Variants in SEC24A observed in about 807,000 individuals in gnomAD.
SEC24A encodes the protein SEC24 homolog A, COPII component.
SEC24A carries 93 observed loss-of-function variants against 129.4 expected under a neutral mutation model. The observed-to-expected ratio is 0.72, with a 90% confidence interval of 0.61 to 0.85. The LOEUF (loss-of-function observed/expected upper bound fraction) is 0.85, where lower values mean the gene tolerates loss of function less well. Ranked by LOEUF, SEC24A falls within the 40% of genes least tolerant of loss-of-function variation. SEC24A has a pLI of 0.00. For missense variants in SEC24A, 1,264 were observed against 1,307.4 expected (o/e 0.97, Z 0.51); for synonymous variants, 460 against 467.3 (o/e 0.98, Z 0.20).
intron 4 of SEC24A, 29 bp downstream of exon 4, chr5:134,671,915 ATC>A (rs766193846): frequency 7.3e-7 from 1 of 1,363,380 alleles, no homozygotes; most frequent in African/African-American, 1.5e-5. Context: ...TTTTTTTTTA[ATC>A]TCTTTTTTCT....
rs557302741 is a variant in SEC24A at position 134,708,954 on chromosome 5, C to T, written c.2727+66C>T. 1.6e-4 allele frequency: 243 copies of T among 1,491,928 alleles called. 1 individual carries two copies. In the African/African-American group the frequency reaches 3.1e-3, roughly 19 times the overall value. The allele number at this position is 1,491,928 out of a possible 1,614,324, so 92.4% of individuals were successfully genotyped here. On this transcript the variant is annotated intron_variant, in intron 18 of 22. Coordinates refer to ENST00000398844, the MANE Select transcript of SEC24A (RefSeq NM_021982.3). ...GGCACTGTGGCCTACACCTGCAATC[C>T]CAGCACTTTGGGTGGCTGACGTGGG...
rs1157163736 is a variant in SEC24A, at chr5:134,703,842, G to C, written c.2350G>C (p.Gly784Arg). 3 of 1,612,992 alleles carry C rather than the reference G, an allele frequency of 1.9e-6. No homozygotes were observed. Among genetic ancestry groups the C allele is most frequent in the Non-Finnish European group, 1.7e-6 (2 of 1,179,172 alleles). Reference protein sequence around the residue: ...LSLPNVNPDAGYAVQMSVEES... With the variant: ...LSLPNVNPDARYAVQMSVEES... ...TTTGCCTAACGTCAACCCAGACGCT[G>C]GGTATGCAGTACAGATGTCAGTGGA... The change falls in exon 16 of 23, where the codon GGG (glycine) becomes CGG (arginine). Residue 784 changes from glycine to arginine, a missense_variant. Physicochemically the swap from Gly to Arg is moderately radical, Grantham distance 125. Coordinates refer to ENST00000398844, the MANE Select transcript of SEC24A (RefSeq NM_021982.3).
intron 1 of SEC24A, among the ~76,000 whole-genome samples, chr5:134,651,734 G>A (rs1234552617): frequency 6.6e-6 from 1 of 152,000 alleles, no homozygotes; most frequent in African/African-American, 2.4e-5. Context: ...AAAGTGCTGG[G>A]ATTAGAGGCA....
chr5:134,670,852 G>A (rs1750830847), intron 3 of SEC24A, among the ~76,000 whole-genome samples: 1 of 151,886 alleles, frequency 6.6e-6, no homozygotes, highest in African/African-American at 2.4e-5. Flanking sequence ...AGCCAGGCGT[G>A]GTGACGGGCA....
Position 134,693,842 on chromosome 5 carries a change from G to A in SEC24A, c.1895G>A (p.Gly632Asp). 6.2e-7 allele frequency: 1 copy of A among 1,614,132 alleles called. No individual in the cohort carries two copies. Among genetic ancestry groups the A allele is most frequent in the Non-Finnish European group, 8.5e-7 (1 of 1,180,034 alleles). ...TTTAAGCTGATGTCTCCAACTGGTG[G>A]TCGAATGTCTGTCTTTCAAACACAA... ...AAFKLMSPTG[G>D]RMSVFQTQLP... Residue 632 changes from glycine to aspartate, a missense_variant, in exon 13 of 23, where the codon GGT becomes GAT. Gly to Asp is a moderately conservative substitution (Grantham distance 94, BLOSUM62 -1). Coordinates refer to ENST00000398844, the MANE Select transcript of SEC24A (RefSeq NM_021982.3).
rs1561821334 is a variant in SEC24A, at chr5:134,693,838, G to C, written c.1891G>C (p.Gly631Arg). The C allele has an allele frequency of 2.5e-6, 4 of 1,613,968 alleles. No homozygotes were observed. The highest frequency in any genetic ancestry group is 2.5e-6 in the Non-Finnish European group (3 of 1,180,028). Residue 631 changes from glycine to arginine, a missense_variant, in exon 13 of 23, where the codon GGT (glycine) becomes CGT (arginine). Transcript: ENST00000398844. ...QAAFKLMSPTGGRMSVFQTQL... is the reference protein window; with the variant it reads ...QAAFKLMSPTRGRMSVFQTQL... ...TGCCTTTAAGCTGATGTCTCCAACT[G>C]GTGGTCGAATGTCTGTCTTTCAAAC...
Position 134,651,098 on chromosome 5 carries a change from C to CTT in SEC24A, c.97+1938_97+1939dup, listed in dbSNP as rs70976548. 3.2e-3 allele frequency among the ~76,000 whole-genome samples: 432 copies of CTT among 136,414 alleles called. 5 individuals are homozygous for CTT. The highest frequency in any genetic ancestry group is 4.9e-3 in the Non-Finnish European group (314 of 64,360). 89.5% of individuals were successfully genotyped at this position (136,414 alleles called of 152,430 possible). A position where few individuals can be genotyped will look rare whatever the true frequency, so the allele number is the denominator to read the frequency against. On this transcript the variant is annotated intron_variant, in intron 1 of 22. Transcript: ENST00000398844. Reference sequence around the variant, plus strand: ...CCTCTACAGGTTTTTTGTATTTTGCCTTTTTTTTTTTTTTGAGACAGGATC... The same window carrying CTT: ...CCTCTACAGGTTTTTTGTATTTTGCCTTTTTTTTTTTTTTTTGAGACAGGATC...
At position 134,707,490 on chromosome 5, in the gene SEC24A, C is replaced by T. The variant is rs186931699; in HGVS notation, c.2552-1223C>T. 8.5e-3 allele frequency among the ~76,000 whole-genome samples: 1,285 copies of T among 151,942 alleles called. 20 individuals are homozygous for T. Among genetic ancestry groups the T allele is most frequent in the African/African-American group, 0.028 (1,168 of 41,446 alleles). Reference sequence around the variant, plus strand: ...GACTACAGGCGCCCGCCATCACACCCGGCTAATTTTTTGTATTTTTAGTAG... The same window carrying T: ...GACTACAGGCGCCCGCCATCACACCTGGCTAATTTTTTGTATTTTTAGTAG... On this transcript the variant is annotated intron_variant, in intron 17 of 22. Transcript: ENST00000398844.
At chr5:134,681,422 C>CA (rs1262607188) in intron 8 of SEC24A, among the ~76,000 whole-genome samples, 1 of 146,722 alleles carries the variant, frequency 6.8e-6, no homozygotes, top group Non-Finnish European at 1.5e-5. Context: ...TAAAACAAAA[C>CA]AAAAAAACAG....
intron 2 of SEC24A, among the ~76,000 whole-genome samples, chr5:134,665,805 G>A (rs1750641370): frequency 6.6e-6 from 1 of 152,068 alleles, no homozygotes; most frequent in African/African-American, 2.4e-5. Context: ...GATCCACTGT[G>A]CCTGGCCCAG....
chr5:134,650,836 G>A (rs1005229460), intron 1 of SEC24A, among the ~76,000 whole-genome samples: 15 of 151,462 alleles, frequency 9.9e-5, no homozygotes, highest in Non-Finnish European at 2.1e-4. Flanking sequence ...GTGCAATGGC[G>A]CTATCTCGGC....
At chr5:134,659,026 C>T (rs568887067) in intron 1 of SEC24A, among the ~76,000 whole-genome samples, 11 of 151,300 alleles carry the variant, frequency 7.3e-5, no homozygotes, top group African/African-American at 2.7e-4. Flanking sequence ...TGGACCCCTT[C>T]ACAATCACTG....
At chr5:134,678,673 C>G (rs1250791622) in intron 7 of SEC24A, among the ~76,000 whole-genome samples, 6 of 151,826 alleles carry the variant, frequency 4.0e-5, no homozygotes, top group Non-Finnish European at 8.8e-5. Context: ...CTCTGCCTCC[C>G]AGGGTTGAAG....
chr5:134,661,578 T>A lies in SEC24A; in HGVS notation c.557T>A (p.Ile186Lys), dbSNP rs1750463833. 1 of 1,607,486 alleles carries A rather than the reference T, an allele frequency of 6.2e-7. No homozygotes were observed. Among genetic ancestry groups the A allele is most frequent in the Admixed American group, 1.7e-5 (1 of 59,980 alleles). ...SGYPSLQNSF[I>K]KSGPSVPPLV... ...TATCCTTCACTTCAAAATAGCTTCATAAAGTCAGGTAGTATTCTTATAGAA... is the reference window on the plus strand; with the variant it reads ...TATCCTTCACTTCAAAATAGCTTCAAAAAGTCAGGTAGTATTCTTATAGAA... The change falls in exon 2 of 23, where the codon ATA becomes AAA. Residue 186 changes from isoleucine to lysine, a missense_variant. By Grantham distance (102) the Ile-to-Lys change is moderately radical. Transcript: ENST00000398844.
At chr5:134,721,819 C>T (rs1357305219) in intron 21 of SEC24A, among the ~76,000 whole-genome samples, 2 of 152,044 alleles carry the variant, frequency 1.3e-5, no homozygotes, top group East Asian at 1.9e-4. Flanking sequence ...CTGAAGTGAG[C>T]AGTGATTATG....
chr5:134,723,997 C>A (rs1752692343), intron 22 of SEC24A, among the ~76,000 whole-genome samples: 1 of 152,090 alleles, frequency 6.6e-6, no homozygotes, highest in African/African-American at 2.4e-5. Context: ...CATTATTTTG[C>A]CTATTTTAAA....
intron 2 of SEC24A, among the ~76,000 whole-genome samples, chr5:134,662,593 G>T (rs571079903): frequency 2.0e-5 from 3 of 152,022 alleles, no homozygotes; most frequent in Non-Finnish European, 2.9e-5. Flanking sequence ...TGTTTATATG[G>T]CATATACTCC....
chr5:134,718,072 G>A lies in SEC24A; in HGVS notation c.2869G>A (p.Ala957Thr). ...ACTCTTTTACTTAATTCCTCAGGGAGCACTCAACATCAGTGATAGAACCAT... is the reference window on the plus strand; with the variant it reads ...ACTCTTTTACTTAATTCCTCAGGGAACACTCAACATCAGTGATAGAACCAT... The part of the protein sequence containing the change: ...YRVDNLSDEG[A>T]LNISDRTIPQ... The change falls in exon 20 of 23, where the codon GCA becomes ACA. Residue 957 changes from alanine to threonine, a missense_variant. Physicochemically the swap from Ala to Thr is moderately conservative, Grantham distance 58. Transcript: ENST00000398844. The A allele has an allele frequency of 6.2e-7, 1 of 1,612,222 alleles. No homozygotes were observed. The highest frequency in any genetic ancestry group is 8.5e-7 in the Non-Finnish European group (1 of 1,178,344).
chr5:134,654,208 CAA>C lies in SEC24A; in HGVS notation c.97+5046_97+5047del, dbSNP rs1312392678. Among the ~76,000 whole-genome samples, 12 of 147,028 alleles carry C rather than the reference CAA, an allele frequency of 8.2e-5. No individual in the cohort carries two copies. The South Asian group carries it at 1.5e-3, about 18-fold the overall frequency. ...CAAAAGACCTAACAGTAGCCTTTTT[CAA>C]AAAAAAAAAATATATATATATATTT... On this transcript the variant is annotated intron_variant, in intron 1 of 22. Coordinates refer to ENST00000398844, the MANE Select transcript of SEC24A (RefSeq NM_021982.3).
Sources: gnomAD v4.1 joint callset for allele counts (sites outside exome capture counted in the v4.1 genomes callset) on GRCh38, gnomAD v4.1.1 for gene constraint, MANE v1.5 for transcripts, NCBI Gene and HGNC (gene_info 2026-07-23, HGNC 2026-07-21) for gene names.